BNC2: variants seen among roughly 807,000 people sequenced by gnomAD.
The protein encoded by BNC2 is basonuclin zinc finger protein 2.
BNC2 carries 20 observed loss-of-function variants against 76.3 expected under a neutral mutation model. That is an observed-to-expected ratio of 0.26 (90% confidence interval 0.18 to 0.38). The LOEUF (loss-of-function observed/expected upper bound fraction) is 0.38, where lower values mean the gene tolerates loss of function less well. Ranked by LOEUF, BNC2 falls within the 10% of genes least tolerant of loss-of-function variation. The probability of loss-of-function intolerance (pLI) is 1.00; values close to 1 mark genes in which losing one functional copy is unlikely to be tolerated. For synonymous variants in BNC2, 582 were observed against 514.8 expected (o/e 1.13, Z -1.77); for missense variants, 1,382 against 1,399.8 (o/e 0.99, Z 0.20).
chr9:16,551,872 C>G (rs1047846547), intron 5 of BNC2, among the ~76,000 whole-genome samples: 3 of 152,118 alleles, frequency 2.0e-5, no homozygotes, highest in Non-Finnish European at 4.4e-5. Context: ...ACTCTTAGAG[C>G]CCTTACCAGG....
intron 1 of BNC2, among the ~76,000 whole-genome samples, chr9:16,813,428 G>C (rs931115821): frequency 6.6e-6 from 1 of 151,852 alleles, no homozygotes; most frequent in African/African-American, 2.4e-5. Flanking sequence ...ACTACGCCCG[G>C]CTAATTTTTT....
At chr9:16,442,059 C>T (rs115881748) in intron 5 of BNC2, among the ~76,000 whole-genome samples, 1 of 152,116 alleles carries the variant, frequency 6.6e-6, no homozygotes, top group Non-Finnish European at 1.5e-5. Flanking sequence ...TAAGTCAATT[C>T]TTTTAGGTTT....
chr9:16,704,161 C>T (rs1272052575), intron 3 of BNC2, among the ~76,000 whole-genome samples: 1 of 152,174 alleles, frequency 6.6e-6, no homozygotes, highest in Non-Finnish European at 1.5e-5. Context: ...CTGTTCCACA[C>T]ATCCACACTT....
intron 4 of BNC2, among the ~76,000 whole-genome samples, chr9:16,574,437 A>T (rs1436596050): frequency 6.6e-6 from 1 of 152,212 alleles, no homozygotes; most frequent in East Asian, 1.9e-4. Context: ...CGCAATTCTC[A>T]AAATGACTTT....
intron 4 of BNC2, among the ~76,000 whole-genome samples, chr9:16,571,734 TC>T (rs1284604329): frequency 6.6e-6 from 1 of 152,180 alleles, no homozygotes; most frequent in African/African-American, 2.4e-5. Context: ...ATCTTTTTTT[TC>T]CTTCAGTTTT....
At chr9:16,514,131 C>G (rs956272039) in intron 5 of BNC2, among the ~76,000 whole-genome samples, 2 of 152,154 alleles carry the variant, frequency 1.3e-5, no homozygotes, top group African/African-American at 4.8e-5. Context: ...ACACCCTGGT[C>G]CAACCCTTCA....
chr9:16,454,027 C>T (rs780559657), intron 5 of BNC2, among the ~76,000 whole-genome samples: 4 of 152,182 alleles, frequency 2.6e-5, no homozygotes, highest in Non-Finnish European at 5.9e-5. Flanking sequence ...ACCTCTTCTA[C>T]TTAGAATTCT....
chr9:16,575,324 A>G (rs905678795), intron 4 of BNC2: 23 of 984,730 alleles, frequency 2.3e-5, no homozygotes, highest in South Asian at 9.4e-5. Flanking sequence ...CTCCCACGAA[A>G]CTCCTTACCA....
chr9:16,564,335 A>G (rs1346461837), intron 4 of BNC2, among the ~76,000 whole-genome samples: 2 of 152,200 alleles, frequency 1.3e-5, no homozygotes, highest in African/African-American at 4.8e-5. Context: ...TGTAAGGAGA[A>G]AGGAGAAGAA....
At chr9:16,468,562 CT>C (rs1313605696) in intron 5 of BNC2, among the ~76,000 whole-genome samples, 1 of 151,706 alleles carries the variant, frequency 6.6e-6, no homozygotes, top group Admixed American at 6.6e-5. Context: ...CGCCTGGCTA[CT>C]TTTTGTATTT....
At position 16,809,648 on chromosome 9, in the gene BNC2, C is replaced by T. The variant is rs375326158; in HGVS notation, c.3+60998G>A. Among the ~76,000 whole-genome samples the T allele has an allele frequency of 1.2e-3, 179 of 152,004 alleles. 3 individuals carry two copies. In the South Asian group the frequency reaches 0.026, roughly 22 times the overall value. On this transcript the variant is annotated intron_variant, in intron 1 of 6. Coordinates refer to ENST00000380672, the MANE Select transcript of BNC2 (RefSeq NM_017637.6). ...TGAGTATTAGCTGGGTGTGGTGGCG[C>T]GTGCCTGTAGTCCCAGCTACTCGGG...
rs145492705 is a variant in BNC2, at chr9:16,764,989, C to T, written c.4-26504G>A. ...ATCTTCTGTAAGGATACGAAACCCG[C>T]TGTGGCATATACTCTGATTTTTTGG... is the stretch of plus-strand genomic sequence containing the variant. On this transcript the variant is annotated intron_variant, in intron 1 of 6. Transcript: ENST00000380672. Among the ~76,000 whole-genome samples, 625 of 152,164 alleles carry T rather than the reference C, an allele frequency of 4.1e-3. 2 individuals carry two copies. Among genetic ancestry groups the T allele is most frequent in the African/African-American group, 0.014 (591 of 41,516 alleles).
At chr9:16,598,854 A>T (rs958598175) in intron 3 of BNC2, among the ~76,000 whole-genome samples, 4 of 152,206 alleles carry the variant, frequency 2.6e-5, no homozygotes, top group African/African-American at 4.8e-5. Flanking sequence ...TGGAAATTAA[A>T]TGAGATGCTT....
chr9:16,432,193 T>C (rs1172207685), intron 6 of BNC2, among the ~76,000 whole-genome samples: 1 of 152,194 alleles, frequency 6.6e-6, no homozygotes, highest in Non-Finnish European at 1.5e-5. Context: ...AAACACACAC[T>C]CATTTACAAC....
At chr9:16,639,347 A>C (rs1234460069) in intron 3 of BNC2, among the ~76,000 whole-genome samples, 1 of 152,208 alleles carries the variant, frequency 6.6e-6, no homozygotes, top group Non-Finnish European at 1.5e-5. Flanking sequence ...CTTACTAATT[A>C]CCAACATCTA....
At chr9:16,494,788 C>G (rs549325158) in intron 5 of BNC2, among the ~76,000 whole-genome samples, 1 of 152,020 alleles carries the variant, frequency 6.6e-6, no homozygotes, top group East Asian at 1.9e-4. Context: ...CATGAGAACA[C>G]ATGGACACAG....
chr9:16,858,964 A>G (rs183149004), intron 1 of BNC2, among the ~76,000 whole-genome samples: 52 of 152,316 alleles, frequency 3.4e-4, no homozygotes, highest in African/African-American at 1.2e-3. Context: ...CATATTTCTG[A>G]TAAGGGGTAT....
chr9:16,828,562 C>T (rs1818504541), intron 1 of BNC2, among the ~76,000 whole-genome samples: 1 of 152,194 alleles, frequency 6.6e-6, no homozygotes, highest in Non-Finnish European at 1.5e-5. Flanking sequence ...CAGCAGACTA[C>T]GGTCCCACCA....
chr9:16,569,053 A>G (rs1053628608), intron 4 of BNC2, among the ~76,000 whole-genome samples: 2 of 150,888 alleles, frequency 1.3e-5, no homozygotes, highest in African/African-American at 4.9e-5. Flanking sequence ...TATTTAGCTA[A>G]AAGAGTTGAT....
Sources: gnomAD v4.1 joint callset for allele counts (sites outside exome capture counted in the v4.1 genomes callset) on GRCh38, gnomAD v4.1.1 for gene constraint, MANE v1.5 for transcripts, NCBI Gene and HGNC (gene_info 2026-07-23, HGNC 2026-07-21) for gene names.